Variants in RNLS observed in about 807,000 individuals in gnomAD.
RNLS encodes renalase, FAD dependent amine oxidase.
Under a neutral mutation model 39.8 loss-of-function variants are expected in RNLS, and 39 were observed. That is an observed-to-expected ratio of 0.98 (90% CI 0.76 to 1.28). RNLS has a LOEUF of 1.28. RNLS is among the 50% of genes most tolerant of loss of function. RNLS has a pLI of 0.00. For missense variants in RNLS, 410 were observed against 413.3 expected (o/e 0.99, Z 0.07); for synonymous variants, 147 against 150.7 (o/e 0.98, Z 0.18).
intron 4 of RNLS, among the ~76,000 whole-genome samples, chr10:88,554,399 G>A (rs1386850502): frequency 6.6e-6 from 1 of 151,898 alleles, no homozygotes; most frequent in Non-Finnish European, 1.5e-5. Flanking sequence ...TCAAGTCGTG[G>A]AGGGGAAAAA....
chr10:88,411,136 ACAGT>A (rs1248286428), intron 4 of RNLS, among the ~76,000 whole-genome samples: 2 of 152,134 alleles, frequency 1.3e-5, no homozygotes, highest in Admixed American at 6.6e-5. Context: ...TGGTCACTGC[ACAGT>A]CAATTAGCCA....
At chr10:88,460,300 C>A (rs12413825) in intron 4 of RNLS, among the ~76,000 whole-genome samples, 26,995 of 152,058 alleles carry the variant, frequency 0.18, 2,640 homozygotes, top group Middle Eastern at 0.29. Flanking sequence ...ATAATGACAT[C>A]CCCAAGTGGT....
chr10:88,354,548 C>A (rs547738009), intron 5 of RNLS, among the ~76,000 whole-genome samples: 10 of 152,232 alleles, frequency 6.6e-5, no homozygotes, highest in African/African-American at 1.9e-4. Flanking sequence ...ATTGGCCCCC[C>A]CTCTCTTCTG....
the RNLS span, among the ~76,000 whole-genome samples, chr10:88,219,589 G>T: frequency 6.6e-5 from 10 of 152,190 alleles, no homozygotes; most frequent in East Asian, 1.5e-3. Flanking sequence ...GCCAGTCTTT[G>T]CTGCTTCCCT....
At chr10:88,483,033 T>C (rs1170189541) in intron 4 of RNLS, among the ~76,000 whole-genome samples, 1 of 152,056 alleles carries the variant, frequency 6.6e-6, no homozygotes, top group East Asian at 1.9e-4. Flanking sequence ...TTAAAATTCT[T>C]ATTGTAATTT....
intron 4 of RNLS, among the ~76,000 whole-genome samples, chr10:88,480,680 C>T (rs981301286): frequency 4.6e-5 from 7 of 152,230 alleles, no homozygotes; most frequent in Admixed American, 1.3e-4. Context: ...CCTTGGCCTC[C>T]CAAAGTGCTG....
intron 5 of RNLS, among the ~76,000 whole-genome samples, chr10:88,335,483 G>A (rs1173501183): frequency 6.6e-6 from 1 of 152,100 alleles, no homozygotes; most frequent in Non-Finnish European, 1.5e-5. Flanking sequence ...GCCTCTCAAA[G>A]TTTTGGGATT....
the RNLS span, among the ~76,000 whole-genome samples, chr10:88,186,106 TA>T: frequency 5.3e-5 from 8 of 152,316 alleles, no homozygotes; most frequent in South Asian, 1.2e-3. Flanking sequence ...AAAATAAGAA[TA>T]TTTTCTAGCT....
chr10:88,556,759 G>T (rs1374713963), intron 4 of RNLS, among the ~76,000 whole-genome samples: 2 of 151,990 alleles, frequency 1.3e-5, no homozygotes, highest in Non-Finnish European at 1.5e-5. Flanking sequence ...CTACCTTCAG[G>T]TGTCTACTGT....
chr10:88,577,448 A>G (rs1448743318), intron 3 of RNLS, among the ~76,000 whole-genome samples: 5 of 152,318 alleles, frequency 3.3e-5, no homozygotes, highest in Non-Finnish European at 7.4e-5. Flanking sequence ...ACCTTAGACA[A>G]AGTACCTGAG....
At chr10:88,544,568 C>T (rs79845398) in intron 4 of RNLS, among the ~76,000 whole-genome samples, 1,759 of 152,294 alleles carry the variant, frequency 0.012, 12 homozygotes, top group Non-Finnish European at 0.018. Flanking sequence ...AGTTTTGACT[C>T]ACAAGAATCT....
intron 4 of RNLS, among the ~76,000 whole-genome samples, chr10:88,569,612 T>C (rs967874888): frequency 7.9e-5 from 12 of 152,188 alleles, no homozygotes; most frequent in Non-Finnish European, 1.8e-4. Context: ...CTAATTAAGT[T>C]AATGAAAGTC....
chr10:88,505,413 G>C (rs538619219), intron 4 of RNLS, among the ~76,000 whole-genome samples: 1 of 151,980 alleles, frequency 6.6e-6, no homozygotes, highest in South Asian at 2.1e-4. Context: ...GTGAGTGTGA[G>C]TGAGACAGAG....
the RNLS span, among the ~76,000 whole-genome samples, chr10:88,227,331 A>G: frequency 6.6e-6 from 1 of 152,362 alleles, no homozygotes; most frequent in Non-Finnish European, 1.5e-5. Context: ...TATCAAGCTG[A>G]TGAAATGAAC....
intron 4 of RNLS, among the ~76,000 whole-genome samples, chr10:88,487,916 T>C (rs1006073429): frequency 6.6e-6 from 1 of 152,336 alleles, no homozygotes. Context: ...TATTGATGCA[T>C]ACAATAATGC....
the RNLS span, among the ~76,000 whole-genome samples, chr10:88,172,334 T>G: frequency 8.5e-5 from 13 of 152,304 alleles, no homozygotes; most frequent in Admixed American, 4.6e-4. Context: ...TTGCAAGCAT[T>G]TGATATTTTT....
At chr10:88,314,868 A>G (rs1845639667) in intron 5 of RNLS, among the ~76,000 whole-genome samples, 1 of 152,224 alleles carries the variant, frequency 6.6e-6, no homozygotes, top group African/African-American at 2.4e-5. Flanking sequence ...AAATTGTCAG[A>G]TATTGCTAAA....
chr10:88,547,830 T>C (rs1848394676), intron 4 of RNLS, among the ~76,000 whole-genome samples: 1 of 152,192 alleles, frequency 6.6e-6, no homozygotes, highest in African/African-American at 2.4e-5. Flanking sequence ...GTTGATTGGC[T>C]TGAATGAATC....
At chr10:88,454,592 G>A (rs73355409) in intron 4 of RNLS, among the ~76,000 whole-genome samples, 1,591 of 152,252 alleles carry the variant, frequency 0.01, 37 homozygotes, top group African/African-American at 0.035. Flanking sequence ...CTCCAACAAG[G>A]TCAACTCCTT....
Sources: gnomAD v4.1 joint callset for allele counts (sites outside exome capture counted in the v4.1 genomes callset) on GRCh38, gnomAD v4.1.1 for gene constraint, MANE v1.5 for transcripts, NCBI Gene and HGNC (gene_info 2026-07-23, HGNC 2026-07-21) for gene names.